PLAUR: variants seen among roughly 807,000 people sequenced by gnomAD.
PLAUR encodes urokinase plasminogen activator surface receptor.
In PLAUR, 22 loss-of-function variants were observed where a neutral mutation model predicts 33.4. The ratio of observed to expected loss-of-function variants is 0.66; its 90% CI spans 0.47 to 0.94. The LOEUF (loss-of-function observed/expected upper bound fraction) is 0.94, where lower values mean the gene tolerates loss of function less well. PLAUR is among the 40% of genes least tolerant of loss of function. The probability of loss-of-function intolerance (pLI) is 0.00; values close to 1 mark genes in which losing one functional copy is unlikely to be tolerated. For missense variants in PLAUR, 408 were observed against 434.7 expected, an observed-to-expected ratio of 0.94 and a Z score of 0.55; for synonymous variants, 148 against 167.3, an observed-to-expected ratio of 0.88 and a Z score of 0.89.
chr19:43,646,638 A>G (rs1439092084), downstream of PLAUR: 5 of 683,876 alleles, frequency 7.3e-6, no homozygotes, highest in African/African-American at 1.8e-5. Context: ...CTACTGGTCA[A>G]AGCAGTCACA....
At chr19:43,665,005 A>G in intron 3 of PLAUR, 1 of 360,716 alleles carries the variant, frequency 2.8e-6, no homozygotes, top group East Asian at 4.3e-5. Context: ...GTCTGAGATA[A>G]GGATGGGGTT....
intron 3 of PLAUR, among the ~76,000 whole-genome samples, chr19:43,662,818 G>GAT (rs1967063767): frequency 6.6e-6 from 1 of 151,720 alleles, no homozygotes; most frequent in South Asian, 2.1e-4. Context: ...GGGCTATAGT[G>GAT]ATCCTCCCGC....
At chr19:43,668,801 G>A (rs545066877) in intron 1 of PLAUR, among the ~76,000 whole-genome samples, 1 of 151,572 alleles carries the variant, frequency 6.6e-6, no homozygotes, top group South Asian at 2.1e-4. Context: ...ACGCCTCGAG[G>A]TTATAACCCC....
chr19:43,651,496 G>T (rs1336988482), intron 6 of PLAUR, among the ~76,000 whole-genome samples: 2 of 151,540 alleles, frequency 1.3e-5, no homozygotes, highest in Non-Finnish European at 2.9e-5. Context: ...GTGCAGTGGG[G>T]TGATCCCCAC....
chr19:43,659,235 C>T (rs529241159), intron 3 of PLAUR, among the ~76,000 whole-genome samples: 1 of 144,510 alleles, frequency 6.9e-6, no homozygotes, highest in Non-Finnish European at 1.5e-5. Flanking sequence ...TCACTGCCAC[C>T]TCGACCTCCC....
intron 3 of PLAUR, among the ~76,000 whole-genome samples, chr19:43,664,158 C>T (rs1220814034): frequency 6.6e-6 from 1 of 151,880 alleles, no homozygotes; most frequent in Non-Finnish European, 1.5e-5. Context: ...CCTCTCGTCA[C>T]TTCCTCAAAA....
At chr19:43,652,442 CCCCAGGACTTCCACT>C in intron 5 of PLAUR, 71 bp from the exon 6 acceptor site, 1 of 1,448,338 alleles carries the variant, frequency 6.9e-7, no homozygotes, top group Non-Finnish European at 9.6e-7. Context: ...TGAATGACCT[CCCCAGGACTTCCACT>C]CCGAGCCAGA....
At chr19:43,669,809 C>CA (rs59728904) in intron 1 of PLAUR, among the ~76,000 whole-genome samples, 2,403 of 70,904 alleles carry the variant, frequency 0.034, 111 homozygotes, top group African/African-American at 0.063. Context: ...GAGACTCTGT[C>CA]AAAAAAAAAA....
intron 3 of PLAUR, among the ~76,000 whole-genome samples, chr19:43,659,448 G>C (rs1374254691): frequency 6.6e-6 from 1 of 152,076 alleles, no homozygotes; most frequent in African/African-American, 2.4e-5. Flanking sequence ...TACCGCACCT[G>C]GCCAGGGCTC....
downstream of PLAUR, among the ~76,000 whole-genome samples, chr19:43,648,304 T>C (rs551844313): frequency 3.5e-4 from 54 of 152,184 alleles, no homozygotes; most frequent in African/African-American, 1.1e-3. Context: ...GCCTCCCGAA[T>C]AGCTGGGACT....
chr19:43,665,139 G>A (rs1967170931), intron 3 of PLAUR, 177 bp downstream of exon 3: 3 of 630,638 alleles, frequency 4.8e-6, no homozygotes, highest in East Asian at 5.5e-5. Flanking sequence ...TGGATATGGG[G>A]TCAAGAATGA....
intron 2 of PLAUR, chr19:43,667,299 A>AT: frequency 2.1e-6 from 1 of 481,172 alleles, no homozygotes; most frequent in Non-Finnish European, 3.8e-6. Flanking sequence ...GTTGAGCTGT[A>AT]GCATATGTTA....
At position 43,648,745 on chromosome 19, in the gene PLAUR, G is replaced by C. The variant is rs768752819; in HGVS notation, c.*145C>G. 1 of 975,752 alleles carries C rather than the reference G, an allele frequency of 1.0e-6. No homozygotes were observed. Among genetic ancestry groups the C allele is most frequent in the Non-Finnish European group, 1.5e-6 (1 of 663,076 alleles). 60.4% of individuals were successfully genotyped at this position (975,752 alleles called of 1,614,324 possible). ...CTGCTTCACACAACTTTGTGAGATA[G>C]CTGTTTTCATAGCTGGGAAAACTGA... is the stretch of plus-strand genomic sequence containing the variant. On this transcript the variant is annotated 3_prime_UTR_variant, in exon 7 of 7. Transcript: ENST00000340093.
intron 3 of PLAUR, among the ~76,000 whole-genome samples, chr19:43,660,332 ATTTT>A (rs58331143): frequency 0.12 from 16,670 of 144,938 alleles, 988 homozygotes; most frequent in East Asian, 0.24. Context: ...TACCCGGCTA[ATTTT>A]TTTTTTTTTT....
chr19:43,653,877 G>T (rs1478127896), intron 5 of PLAUR, among the ~76,000 whole-genome samples: 1 of 152,138 alleles, frequency 6.6e-6, no homozygotes, highest in African/African-American at 2.4e-5. Context: ...TGTAATCCCA[G>T]CACTTTGGGA....
chr19:43,646,811 T>TTG (rs1555778283), downstream of PLAUR, among the ~76,000 whole-genome samples: 1 of 128,300 alleles, frequency 7.8e-6, no homozygotes. Context: ...TTTTTTTTTT[T>TTG]GGGGATAGTC....
At position 43,655,477 on chromosome 19, in the gene PLAUR, A is replaced by G; in HGVS notation, c.569T>C (p.Leu190Pro). 6.2e-7 allele frequency: 1 copy of G among 1,614,114 alleles called. No homozygotes were observed. The highest frequency in any genetic ancestry group is 1.1e-5 in the South Asian group (1 of 91,076). Reference sequence around the variant, plus strand: ...GCATTTGGTGGTGTTGCAGCATTTCAGGAAGTGGAAGGTGTCGTTGTTGTG... The same window carrying G: ...GCATTTGGTGGTGTTGCAGCATTTCGGGAAGTGGAAGGTGTCGTTGTTGTG... ...GFHNNDTFHFLKCCNTTKCNE... is the reference protein window; with the variant it reads ...GFHNNDTFHFPKCCNTTKCNE... Residue 190 changes from leucine (L) to proline (P), a missense_variant, in exon 5 of 7, where the codon CTG becomes CCG. Physicochemically the swap from Leu to Pro is moderately conservative, Grantham distance 98. Transcript: ENST00000340093.
intron 2 of PLAUR, 106 bp from the exon 3 acceptor site, chr19:43,665,565 G>T: frequency 8.8e-7 from 1 of 1,131,394 alleles, no homozygotes; most frequent in Non-Finnish European, 1.3e-6. Flanking sequence ...TCTCTGCTAG[G>T]CCTCTTCTGT....
chr19:43,653,669 G>A (rs1360593563), intron 5 of PLAUR, among the ~76,000 whole-genome samples: 1 of 151,234 alleles, frequency 6.6e-6, no homozygotes, highest in African/African-American at 2.4e-5. Context: ...AAAAAAGAAA[G>A]AAAGGAAGAA....
Sources: gnomAD v4.1 joint callset for allele counts (sites outside exome capture counted in the v4.1 genomes callset) on GRCh38, gnomAD v4.1.1 for gene constraint, MANE v1.5 for transcripts, NCBI Gene and HGNC (gene_info 2026-07-23, HGNC 2026-07-21) for gene names.